PIGZ: variants seen among roughly 807,000 people sequenced by gnomAD.
The protein encoded by PIGZ is GPI alpha-1,2-mannosyltransferase 4.
In PIGZ, 16 loss-of-function variants were observed where a neutral mutation model predicts 16.4. That is an observed-to-expected ratio of 0.97 (90% CI 0.66 to 1.48). PIGZ has a LOEUF of 1.48. Among genes scored for constraint, PIGZ ranks in the 40% most tolerant of loss-of-function variants. The pLI, the probability that PIGZ is intolerant of heterozygous loss-of-function variation, is 0.00. For missense variants in PIGZ, 770 were observed against 739.2 expected, an observed-to-expected ratio of 1.04 and a Z score of -0.48; for synonymous variants, 409 against 338.4, an observed-to-expected ratio of 1.21 and a Z score of -2.29.
Position 196,965,007 on chromosome 3 carries a change from C to T in PIGZ, c.-1+3680G>A, listed in dbSNP as rs115520531. On this transcript the variant is annotated intron_variant, in intron 1 of 2. Transcript: ENST00000412723. This position sits in a 1 kb window ranked among gnomAD's most constrained non-coding sequence, Gnocchi z 4.2. The stretch of plus-strand genomic sequence containing the variant: ...TCCACTGCCCGTTAGGCTTCTGTAC[C>T]TGCTTCAAACACAGGGCAGCCCAAA... 7.2e-4 allele frequency among the ~76,000 whole-genome samples: 110 copies of T among 152,338 alleles called. 1 individual carries two copies. The highest frequency in any genetic ancestry group is 2.6e-3 in the African/African-American group (109 of 41,578).
chr3:196,964,516 C>G (rs1246499944), intron 1 of PIGZ, among the ~76,000 whole-genome samples: 1 of 152,000 alleles, frequency 6.6e-6, no homozygotes, highest in Non-Finnish European at 1.5e-5. Flanking sequence ...CATCACCACG[C>G]CTGGCTAATT....
chr3:196,968,348 C>T (rs1420938072), intron 1 of PIGZ, among the ~76,000 whole-genome samples: 1 of 152,222 alleles, frequency 6.6e-6, no homozygotes, highest in East Asian at 1.9e-4. Context: ...AGAACACTGG[C>T]CTCTAGCAGA....
chr3:196,953,595 A>G (rs996697889), intron 1 of PIGZ, among the ~76,000 whole-genome samples: 2 of 152,246 alleles, frequency 1.3e-5, no homozygotes, highest in Non-Finnish European at 2.9e-5. Flanking sequence ...CTGTAAGTCC[A>G]CAGCATCACT....
At chr3:196,963,723 A>C (rs1460828831) in intron 1 of PIGZ, among the ~76,000 whole-genome samples, 1 of 152,208 alleles carries the variant, frequency 6.6e-6, no homozygotes, top group Non-Finnish European at 1.5e-5. Context: ...GTTAGGAAGG[A>C]GGAAGGAGGC....
In PIGZ at chr3:196,948,088, G is replaced by A. The variant is rs745500726; in HGVS notation, c.809C>T (p.Ala270Val). ...VLLPGAALTA[A>V]VFVATDSWYF... is the part of the protein sequence containing the mutation. The stretch of plus-strand genomic sequence containing the variant: ...CCAGCTGTCCGTGGCCACAAACACC[G>A]CTGCTGTGAGGGCTGCCCCAGGGAG... Residue 270 changes from alanine to valine, a missense_variant, in exon 3 of 3, where the codon GCG (alanine) becomes GTG (valine). Ala to Val is a moderately conservative substitution (Grantham distance 64). Coordinates refer to ENST00000412723, the MANE Select transcript of PIGZ (RefSeq NM_025163.4). 103 of 1,590,270 alleles carry A rather than the reference G, an allele frequency of 6.5e-5. No homozygotes were observed. Among genetic ancestry groups the A allele is most frequent in the Non-Finnish European group, 6.9e-5 (81 of 1,165,844 alleles).
chr3:196,968,387 C>T (rs927858411), intron 1 of PIGZ, among the ~76,000 whole-genome samples: 2 of 152,242 alleles, frequency 1.3e-5, no homozygotes, highest in Non-Finnish European at 2.9e-5. Context: ...CCTCAACCTG[C>T]GCCCAGACCC....
chr3:196,966,478 C>T (rs924965405), intron 1 of PIGZ, among the ~76,000 whole-genome samples: 9 of 152,258 alleles, frequency 5.9e-5, no homozygotes, highest in Non-Finnish European at 1.2e-4. Context: ...TGACTGTTGT[C>T]TGATTATTTC....
chr3:196,956,424 C>A (rs1717491748), intron 1 of PIGZ, among the ~76,000 whole-genome samples: 1 of 152,142 alleles, frequency 6.6e-6, no homozygotes, highest in African/African-American at 2.4e-5. Flanking sequence ...AGGGGGTTTC[C>A]CCTTATAAAA....
intron 1 of PIGZ, among the ~76,000 whole-genome samples, 159 bp from the exon 2 acceptor site, chr3:196,952,190 A>G (rs1717315819): frequency 6.6e-6 from 1 of 152,200 alleles, no homozygotes; most frequent in Admixed American, 6.5e-5. Flanking sequence ...CGTGACATGC[A>G]TATTTCATTT....
chr3:196,956,659 T>C (rs1290882293), intron 1 of PIGZ, among the ~76,000 whole-genome samples: 1 of 152,252 alleles, frequency 6.6e-6, no homozygotes, highest in Non-Finnish European at 1.5e-5. Flanking sequence ...TCCATATCTT[T>C]AGCTCTCTTG....
At chr3:196,967,356 C>T (rs956183939) in intron 1 of PIGZ, among the ~76,000 whole-genome samples, 5 of 152,164 alleles carry the variant, frequency 3.3e-5, no homozygotes, top group African/African-American at 1.2e-4. Context: ...AGGTGTGGCT[C>T]ATTCCAAGAA....
At chr3:196,962,905 G>C (rs1427253199) in intron 1 of PIGZ, among the ~76,000 whole-genome samples, 1 of 152,164 alleles carries the variant, frequency 6.6e-6, no homozygotes, top group Non-Finnish European at 1.5e-5. Context: ...ACCAGTGCCG[G>C]TGCAGGTCCT....
At position 196,948,425 on chromosome 3, in the gene PIGZ, C is replaced by A. The variant is rs969126263; in HGVS notation, c.472G>T (p.Ala158Ser). The change falls in exon 3 of 3, where the codon GCC becomes TCC. Residue 158 changes from alanine to serine, a missense_variant. Transcript: ENST00000412723. ...APPMGADRWN[A>S]LALLSGSYVT... ...TAGGAACCAGACAGCAGGGCCAGGGCGTTCCAGCGATCCGCCCCCATCGGC... is the reference window on the plus strand; with the variant it reads ...TAGGAACCAGACAGCAGGGCCAGGGAGTTCCAGCGATCCGCCCCCATCGGC... The A allele has an allele frequency of 1.9e-6, 3 of 1,614,070 alleles. No individual in the cohort carries two copies. The African/African-American group carries it at 4.0e-5, about 22-fold the overall frequency.
At chr3:196,957,314 T>C (rs115737583) in intron 1 of PIGZ, among the ~76,000 whole-genome samples, 2,913 of 152,110 alleles carry the variant, frequency 0.019, 69 homozygotes, top group South Asian at 0.1. Context: ...TCAATTTGAT[T>C]AGCATCAGGA....
intron 1 of PIGZ, 101 bp from the exon 2 acceptor site, chr3:196,952,132 A>T: frequency 9.3e-7 from 1 of 1,074,012 alleles, no homozygotes; most frequent in South Asian, 1.4e-5. Flanking sequence ...AAAAATGACA[A>T]TAATAATAAT....
rs1376136182 is a variant in PIGZ, at chr3:196,951,875, G to A, written c.157C>T (p.Gln53Ter). ...LLRVLWCLLP[Q>*]TGYVHPDEFF... ...TCATCTGGGTGCACATAGCCCGTCT[G>A]CGGAAGGAGACACCACAGCACTCGG... The change falls in exon 2 of 3, where the codon CAG becomes TAG. Residue 53 changes from glutamine (Q) to a stop codon, truncating the protein, a stop_gained. Coordinates refer to ENST00000412723, the MANE Select transcript of PIGZ (RefSeq NM_025163.4). LOFTEE classifies it high-confidence loss of function. The A allele has an allele frequency of 3.1e-6, 5 of 1,614,184 alleles. No homozygotes were observed. Among genetic ancestry groups the A allele is most frequent in the Non-Finnish European group, 4.2e-6 (5 of 1,180,048 alleles).
In PIGZ at chr3:196,947,832, C is replaced by T. The variant is rs757342391; in HGVS notation, c.1065G>A (p.Arg355=). ...ACAGCAGGCTCCGGGCACCCAGTGCCCTCAGGAGGCCCATTTGTGCAGAGG... is the reference window on the plus strand; with the variant it reads ...ACAGCAGGCTCCGGGCACCCAGTGCTCTCAGGAGGCCCATTTGTGCAGAGG... The part of the protein sequence containing the change: ...LQASAQMGLL[R]ALGARSLLSS... Residue 355 remains arginine, a synonymous_variant, in exon 3 of 3, where the codon AGG becomes AGA. Coordinates refer to ENST00000412723, the MANE Select transcript of PIGZ (RefSeq NM_025163.4). 7.4e-6 allele frequency: 12 copies of T among 1,611,712 alleles called. No individual in the cohort carries two copies. The highest frequency in any genetic ancestry group is 4.2e-6 in the Non-Finnish European group (5 of 1,178,540).
chr3:196,962,579 C>T (rs886156307), intron 1 of PIGZ, among the ~76,000 whole-genome samples: 8 of 151,272 alleles, frequency 5.3e-5, no homozygotes, highest in South Asian at 4.2e-4. Context: ...AAAACCTGAT[C>T]GTACATTCTA....
At position 196,948,512 on chromosome 3, in the gene PIGZ, G is replaced by T. The variant is rs902329160; in HGVS notation, c.385C>A (p.Pro129Thr). 7.4e-6 allele frequency: 12 copies of T among 1,612,388 alleles called. No individual in the cohort carries two copies. Among genetic ancestry groups the T allele is most frequent in the Non-Finnish European group, 1.0e-5 (12 of 1,179,278 alleles). Residue 129 changes from proline (P) to threonine (T), a missense_variant, in exon 3 of 3, where the codon CCT becomes ACT. Physicochemically the swap from Pro to Thr is conservative, Grantham distance 38. Transcript: ENST00000412723. ...LVSGYALLVGPRLLLTALSFA... is the reference protein window; with the variant it reads ...LVSGYALLVGTRLLLTALSFA... ...GAAAGGGCAGTGAGGAGGAGTCGAGGCCCCACCAGCAGCGCATAGCCGCTC... is the reference window on the plus strand; with the variant it reads ...GAAAGGGCAGTGAGGAGGAGTCGAGTCCCCACCAGCAGCGCATAGCCGCTC...
Sources: gnomAD v4.1 joint callset for allele counts (sites outside exome capture counted in the v4.1 genomes callset) on GRCh38, gnomAD v4.1.1 for gene constraint, Gnocchi (gnomAD v3.1) non-coding constraint, MANE v1.5 for transcripts, NCBI Gene and HGNC (gene_info 2026-07-23, HGNC 2026-07-21) for gene names.